Variants in SPHKAP observed in about 807,000 individuals in gnomAD.
The protein encoded by SPHKAP is SPHK1 interactor, AKAP domain containing.
A neutral mutation model predicts 137.5 loss-of-function variants in SPHKAP; 67 were observed. That is an observed-to-expected ratio of 0.49 (90% confidence interval 0.40 to 0.60). The LOEUF (loss-of-function observed/expected upper bound fraction) is 0.60. SPHKAP is among the 20% of genes least tolerant of loss of function. The probability of loss-of-function intolerance (pLI) is 0.00; values close to 1 mark genes in which losing one functional copy is unlikely to be tolerated. For synonymous variants in SPHKAP, 813 were observed against 785.3 expected, an observed-to-expected ratio of 1.04 and a Z score of -0.59; for missense variants, 2,097 against 2,069.3, an observed-to-expected ratio of 1.01 and a Z score of -0.26.
At chr2:228,170,187 T>A (rs1374069313) in intron 1 of SPHKAP, among the ~76,000 whole-genome samples, 1 of 152,164 alleles carries the variant, frequency 6.6e-6, no homozygotes, top group Non-Finnish European at 1.5e-5. Context: ...AATGAGGAAG[T>A]GCTTCTTATG....
intron 7 of SPHKAP, among the ~76,000 whole-genome samples, chr2:228,000,714 G>T (rs1039550810): frequency 6.6e-6 from 1 of 152,034 alleles, no homozygotes; most frequent in Non-Finnish European, 1.5e-5. Flanking sequence ...TCTTTTCATG[G>T]CTTGACAGTT....
At chr2:228,143,705 C>A (rs2106390100) in intron 1 of SPHKAP, among the ~76,000 whole-genome samples, 1 of 146,324 alleles carries the variant, frequency 6.8e-6, no homozygotes, top group East Asian at 2.0e-4. Flanking sequence ...AGGGTTTCAC[C>A]ATGTTGGCCA....
At chr2:228,016,315 A>C (rs1353531907) in intron 7 of SPHKAP, 91 bp downstream of exon 7, 9 of 1,481,076 alleles carry the variant, frequency 6.1e-6, no homozygotes, top group Non-Finnish European at 8.0e-6. Flanking sequence ...GCACCAATCA[A>C]ATCCTTTATG....
At chr2:228,002,187 C>A (rs1032647031) in intron 7 of SPHKAP, among the ~76,000 whole-genome samples, 1 of 152,164 alleles carries the variant, frequency 6.6e-6, no homozygotes, top group African/African-American at 2.4e-5. Flanking sequence ...GTCCCACCAA[C>A]AGTGTAAAAG....
intron 8 of SPHKAP, 54 bp from the exon 9 acceptor site, chr2:227,993,674 G>C: frequency 6.9e-7 from 1 of 1,444,114 alleles, no homozygotes; most frequent in Non-Finnish European, 9.5e-7. Context: ...CTAACATGCT[G>C]CTGACAGTGA....
At chr2:228,092,254 T>TGC (rs1559168859) in intron 3 of SPHKAP, among the ~76,000 whole-genome samples, 3 of 141,308 alleles carry the variant, frequency 2.1e-5, no homozygotes, top group African/African-American at 5.6e-5. Context: ...CGTGTATATG[T>TGC]GTGTATACGT....
chr2:228,142,434 T>C (rs1336870560), intron 1 of SPHKAP, among the ~76,000 whole-genome samples: 1 of 150,838 alleles, frequency 6.6e-6, no homozygotes, highest in Non-Finnish European at 1.5e-5. Flanking sequence ...ATGGCACCAG[T>C]GCACTCCAGC....
In SPHKAP at chr2:227,995,522, C is replaced by T; in HGVS notation, c.4621G>A (p.Glu1541Lys). 2 of 1,614,078 alleles carry T rather than the reference C, an allele frequency of 1.2e-6. No individual in the cohort carries two copies. The highest frequency in any genetic ancestry group is 2.2e-5 in the South Asian group (2 of 91,064). Residue 1541 changes from glutamate (E) to lysine (K), a missense_variant, in exon 8 of 12, where the codon GAG becomes AAG. Coordinates refer to ENST00000392056, the MANE Select transcript of SPHKAP (RefSeq NM_001142644.2). ...DDTSSFLQLS[E>K]RSMSNGNSSA... is the part of the protein sequence containing the mutation. ...AAGAGCAGGTACCTCATGGATCGCT[C>T]ACTGAGCTGGAGAAAGCTACTTGTG...
intron 1 of SPHKAP, among the ~76,000 whole-genome samples, chr2:228,168,388 T>C (rs958248444): frequency 3.3e-5 from 5 of 152,194 alleles, no homozygotes; most frequent in East Asian, 3.8e-4. Context: ...ATTGGCATCA[T>C]TTTTCCAAAC....
intron 3 of SPHKAP, among the ~76,000 whole-genome samples, chr2:228,102,653 G>GCACTCCATACAGCATT (rs1698214352): frequency 6.6e-6 from 1 of 152,160 alleles, no homozygotes; most frequent in African/African-American, 2.4e-5. Context: ...AGTATTTACT[G>GCACTCCATACAGCATT]AATATACTCT....
chr2:228,046,291 C>CTTTTTTTTTTT lies in SPHKAP; in HGVS notation c.247-18759_247-18749dup, dbSNP rs58510792. ...CTGCATGCTGAATACTGTTGTTATT[C>CTTTTTTTTTTT]TTTTTTTTTTTTTTTTTTTTTGGTC... On this transcript the variant is annotated intron_variant, in intron 3 of 11. Coordinates refer to ENST00000392056, the MANE Select transcript of SPHKAP (RefSeq NM_001142644.2). 3.1e-3 allele frequency among the ~76,000 whole-genome samples: 254 copies of CTTTTTTTTTTT among 82,390 alleles called. 2 individuals are homozygous for CTTTTTTTTTTT. The highest frequency in any genetic ancestry group is 3.6e-3 in the Non-Finnish European group (162 of 45,142). 54.1% of individuals were successfully genotyped at this position (82,390 alleles called of 152,430 possible).
intron 3 of SPHKAP, among the ~76,000 whole-genome samples, chr2:228,087,768 A>G (rs1189919014): frequency 2.6e-5 from 4 of 152,182 alleles, no homozygotes; most frequent in East Asian, 1.9e-4. Flanking sequence ...CAGAGAAAAA[A>G]TAGAATGAAC....
intron 2 of SPHKAP, among the ~76,000 whole-genome samples, chr2:228,119,456 T>TACACAC (rs55846474): frequency 6.3e-4 from 87 of 137,426 alleles, no homozygotes; most frequent in East Asian, 2.1e-3. Context: ...AAGCCTAGTA[T>TACACAC]ACACACACAC....
At chr2:227,997,509 A>G (rs945753194) in intron 7 of SPHKAP, among the ~76,000 whole-genome samples, 1 of 152,256 alleles carries the variant, frequency 6.6e-6, no homozygotes, top group Non-Finnish European at 1.5e-5. Context: ...GTGCCTGTAT[A>G]TAAGTATCCA....
chr2:228,108,930 T>C lies in SPHKAP; in HGVS notation c.148A>G (p.Ser50Gly). Residue 50 changes from serine to glycine, a missense_variant, in exon 3 of 12, where the codon AGC becomes GGC. Transcript: ENST00000392056. ...SITACKKVLRSNSLLESTDYW... is the reference protein window; with the variant it reads ...SITACKKVLRGNSLLESTDYW... ...TCTGTTGACTCCAGCAGGCTATTGC[T>C]GCGAAGAACCTGGAGGAACCCAGAA... 1 of 1,597,904 alleles carries C rather than the reference T, an allele frequency of 6.3e-7. No individual in the cohort carries two copies. Among genetic ancestry groups the C allele is most frequent in the Non-Finnish European group, 8.5e-7 (1 of 1,175,480 alleles).
chr2:228,061,889 C>A (rs991617339), intron 3 of SPHKAP, among the ~76,000 whole-genome samples: 2 of 152,120 alleles, frequency 1.3e-5, no homozygotes, highest in Non-Finnish European at 2.9e-5. Context: ...AATCCAGATT[C>A]TGGCTTTATT....
chr2:228,173,272 G>A (rs1700641007), intron 1 of SPHKAP, among the ~76,000 whole-genome samples: 1 of 151,994 alleles, frequency 6.6e-6, no homozygotes, highest in South Asian at 2.1e-4. Flanking sequence ...AGAAAGATCA[G>A]TTTTTTGTTC....
chr2:228,106,357 TAAGTTA>T (rs1559176490), intron 3 of SPHKAP, among the ~76,000 whole-genome samples: 2 of 122,992 alleles, frequency 1.6e-5, no homozygotes, highest in African/African-American at 5.6e-5. Context: ...CAGGATGAAA[TAAGTTA>T]AAGAAGCAAG....
At chr2:228,179,882 T>C (rs1700847770) in intron 1 of SPHKAP, among the ~76,000 whole-genome samples, 1 of 152,184 alleles carries the variant, frequency 6.6e-6, no homozygotes, top group African/African-American at 2.4e-5. Flanking sequence ...TATATTGGTC[T>C]GTAAAACCGG....
Sources: allele counts gnomAD v4.1 joint callset (sites outside exome capture counted in the v4.1 genomes callset), GRCh38; gene constraint gnomAD v4.1.1; transcripts MANE v1.5; gene names NCBI Gene and HGNC (gene_info 2026-07-23, HGNC 2026-07-21).